NCAM2: variants seen among roughly 807,000 people sequenced by gnomAD.
The protein encoded by NCAM2 is N-CAM-2.
NCAM2 carries 30 observed loss-of-function variants against 98.1 expected under a neutral mutation model. That is an observed-to-expected ratio of 0.31 (90% CI 0.23 to 0.41). The LOEUF (loss-of-function observed/expected upper bound fraction) is 0.41, where lower values mean the gene tolerates loss of function less well. NCAM2 is among the 10% of genes least tolerant of loss of function. The pLI is 1.00. For synonymous variants in NCAM2, 368 were observed against 342.4 expected, an observed-to-expected ratio of 1.07 and a Z score of -0.83; for missense variants, 867 against 1,005.8, an observed-to-expected ratio of 0.86 and a Z score of 1.87.
At chr21:21,169,867 AG>A (rs2068065781) in intron 1 of NCAM2, among the ~76,000 whole-genome samples, 1 of 152,130 alleles carries the variant, frequency 6.6e-6, no homozygotes, top group Admixed American at 6.6e-5. Context: ...CTGAGGTGGG[AG>A]GATCGCTTGA....
intron 1 of NCAM2, among the ~76,000 whole-genome samples, chr21:21,101,308 A>G (rs2066235908): frequency 6.6e-6 from 1 of 152,104 alleles, no homozygotes; most frequent in Non-Finnish European, 1.5e-5. Flanking sequence ...AAAATACAGC[A>G]AACACATAAT....
intron 1 of NCAM2, among the ~76,000 whole-genome samples, chr21:21,073,110 ATGACT>A (rs1374742260): frequency 1.3e-5 from 2 of 152,308 alleles, no homozygotes; most frequent in East Asian, 3.9e-4. Context: ...ACTTAGCCTA[ATGACT>A]TGAGGGTTCA....
At chr21:21,313,734 G>A (rs2030859573) in intron 5 of NCAM2, among the ~76,000 whole-genome samples, 2 of 151,842 alleles carry the variant, frequency 1.3e-5, no homozygotes, top group African/African-American at 4.8e-5. Flanking sequence ...ATTTTAGTCT[G>A]TTCTTTTTGT....
chr21:21,367,186 A>G (rs1044163498), intron 8 of NCAM2, among the ~76,000 whole-genome samples: 2 of 152,032 alleles, frequency 1.3e-5, no homozygotes, highest in African/African-American at 2.4e-5. Flanking sequence ...TAAATTTTAC[A>G]AGATGTACAT....
chr21:21,175,758 A>C (rs1347618994), intron 1 of NCAM2, among the ~76,000 whole-genome samples: 1 of 152,122 alleles, frequency 6.6e-6, no homozygotes, highest in Admixed American at 6.5e-5. Flanking sequence ...CATGGAGAGA[A>C]GAGATTTGTG....
At chr21:21,007,800 C>G (rs565238982) in intron 1 of NCAM2, among the ~76,000 whole-genome samples, 1 of 152,204 alleles carries the variant, frequency 6.6e-6, no homozygotes, top group South Asian at 2.1e-4. Context: ...ACCTGTATCT[C>G]GTGCCAACCT....
intron 1 of NCAM2, among the ~76,000 whole-genome samples, chr21:21,110,945 A>G (rs2066442166): frequency 6.6e-6 from 1 of 152,088 alleles, no homozygotes; most frequent in African/African-American, 2.4e-5. Context: ...TAATAACAAT[A>G]ATTGAATAAG....
chr21:21,263,414 A>G (rs1403753680), intron 1 of NCAM2, among the ~76,000 whole-genome samples: 21 of 152,172 alleles, frequency 1.4e-4, no homozygotes. Flanking sequence ...GGAAAAATCA[A>G]TATTGTTAAA....
intron 1 of NCAM2, among the ~76,000 whole-genome samples, chr21:21,064,112 G>A (rs1568983600): frequency 6.6e-6 from 1 of 152,250 alleles, no homozygotes; most frequent in Middle Eastern, 3.4e-3. Context: ...TGAGATTTTA[G>A]TGCATGTTGG....
intron 1 of NCAM2, among the ~76,000 whole-genome samples, chr21:21,013,445 C>CAGGTG (rs1348372196): frequency 6.6e-6 from 1 of 152,100 alleles, no homozygotes; most frequent in East Asian, 1.9e-4. Flanking sequence ...TGAGGCGAGA[C>CAGGTG]AGGTGAGGAA....
chr21:21,211,398 A>G (rs2069655978), intron 1 of NCAM2, among the ~76,000 whole-genome samples: 1 of 152,206 alleles, frequency 6.6e-6, no homozygotes. Context: ...GCTAAGAGCC[A>G]GGACTCTAGT....
At chr21:21,441,281 C>T (rs141671291) in intron 12 of NCAM2, among the ~76,000 whole-genome samples, 9 of 152,098 alleles carry the variant, frequency 5.9e-5, no homozygotes, top group Non-Finnish European at 1.0e-4. Flanking sequence ...AAGTGACATC[C>T]TAGTGAATCT....
At chr21:21,417,647 A>C (rs910206903) in intron 10 of NCAM2, among the ~76,000 whole-genome samples, 1 of 152,068 alleles carries the variant, frequency 6.6e-6, no homozygotes, top group African/African-American at 2.4e-5. Context: ...ATTTCTGTAC[A>C]TTAGAATTAC....
chr21:21,430,999 G>A (rs1243978620), intron 11 of NCAM2, among the ~76,000 whole-genome samples: 1 of 133,396 alleles, frequency 7.5e-6, no homozygotes, highest in Non-Finnish European at 1.5e-5. Context: ...AGTGAGCTGA[G>A]ATCACGCCAC....
At chr21:21,518,600 C>A (rs1988840109) in intron 16 of NCAM2, among the ~76,000 whole-genome samples, 1 of 151,422 alleles carries the variant, frequency 6.6e-6, no homozygotes, top group African/African-American at 2.4e-5. Context: ...GATAAAAACA[C>A]ATAGAATAAA....
chr21:21,468,261 C>T (rs985780), intron 13 of NCAM2, among the ~76,000 whole-genome samples: 84,452 of 151,326 alleles, frequency 0.56, 24,899 homozygotes, highest in African/African-American at 0.7. Context: ...TCCATACAGA[C>T]TGATGTGTTA....
intron 1 of NCAM2, among the ~76,000 whole-genome samples, chr21:21,016,551 G>A (rs1436158887): frequency 2.6e-5 from 4 of 152,004 alleles, no homozygotes; most frequent in South Asian, 4.2e-4. Context: ...AAAAAGAGTT[G>A]TCTTCTACCA....
At chr21:21,389,145 A>G (rs1013291978) in intron 9 of NCAM2, among the ~76,000 whole-genome samples, 2 of 152,188 alleles carry the variant, frequency 1.3e-5, no homozygotes, top group African/African-American at 4.8e-5. Context: ...AAAAGATGTA[A>G]TCAACTCACA....
At chr21:21,267,592 T>C (rs2072332812) in intron 1 of NCAM2, among the ~76,000 whole-genome samples, 1 of 152,140 alleles carries the variant, frequency 6.6e-6, no homozygotes, top group South Asian at 2.1e-4. Context: ...AAAAAAATTG[T>C]AGATACAATT....
Sources: allele counts gnomAD v4.1 joint callset (sites outside exome capture counted in the v4.1 genomes callset), GRCh38; gene constraint gnomAD v4.1.1; transcripts MANE v1.5; gene names NCBI Gene and HGNC (gene_info 2026-07-23, HGNC 2026-07-21).